TRIO: variants seen among roughly 807,000 people sequenced by gnomAD.
The protein encoded by TRIO is triple functional domain protein.
A neutral mutation model predicts 351.9 loss-of-function variants in TRIO; 58 were observed. The observed-to-expected ratio is 0.16, with a 90% CI of 0.13 to 0.21. TRIO has a LOEUF of 0.21. Ranked by LOEUF, TRIO falls within the 10% of genes least tolerant of loss-of-function variation. TRIO has a pLI of 1.00. For missense variants in TRIO, 3,201 were observed against 4,027.8 expected, an observed-to-expected ratio of 0.79 and a Z score of 5.56; for synonymous variants, 1,758 against 1,595.7, an observed-to-expected ratio of 1.10 and a Z score of -2.42.
chr5:14,428,046 G>C (rs752229168), intron 34 of TRIO, among the ~76,000 whole-genome samples: 1 of 152,232 alleles, frequency 6.6e-6, no homozygotes, highest in Admixed American at 6.5e-5. Context: ...CAGAGGACTT[G>C]GTTTAAATTT....
chr5:14,169,197 C>CTTTTTTTTTTTTTTT (rs3994005), intron 1 of TRIO, among the ~76,000 whole-genome samples: 2 of 140,410 alleles, frequency 1.4e-5, no homozygotes, highest in African/African-American at 2.6e-5. Flanking sequence ...ATAAAACTGC[C>CTTTTTTTTTTTTTTT]TTTTTTTTTT....
At chr5:14,213,027 G>T (rs1054974463) in intron 1 of TRIO, among the ~76,000 whole-genome samples, 4 of 152,142 alleles carry the variant, frequency 2.6e-5, no homozygotes, top group Non-Finnish European at 4.4e-5. Context: ...GAACAACACG[G>T]ACAAAGTACA....
At chr5:14,490,691 A>G in intron 48 of TRIO, 2 of 416,046 alleles carry the variant, frequency 4.8e-6, no homozygotes, top group South Asian at 3.4e-5. Context: ...AGAATTAAGC[A>G]GGATAGACTT....
At chr5:14,170,816 A>G (rs753857404) in intron 1 of TRIO, among the ~76,000 whole-genome samples, 1 of 152,164 alleles carries the variant, frequency 6.6e-6, no homozygotes, top group Non-Finnish European at 1.5e-5. Context: ...GAGATGTAAT[A>G]TATTCTCTTG....
At chr5:14,182,405 A>G (rs1383587827) in intron 1 of TRIO, among the ~76,000 whole-genome samples, 1 of 152,214 alleles carries the variant, frequency 6.6e-6, no homozygotes, top group Non-Finnish European at 1.5e-5. Context: ...TTTATATCTG[A>G]TAGAAATTGT....
At chr5:14,254,563 T>C (rs1334703674) in intron 1 of TRIO, among the ~76,000 whole-genome samples, 1 of 152,174 alleles carries the variant, frequency 6.6e-6, no homozygotes, top group South Asian at 2.1e-4. Context: ...TGGGGAGCCC[T>C]GTGGATGGCC....
chr5:14,334,762 C>A (rs186507026), intron 10 of TRIO, among the ~76,000 whole-genome samples: 9 of 152,378 alleles, frequency 5.9e-5, no homozygotes, highest in African/African-American at 1.7e-4. Context: ...TAAGCAGGGA[C>A]TTCCAAGCCT....
chr5:14,386,585 T>C (rs1411988299), intron 21 of TRIO, among the ~76,000 whole-genome samples: 3 of 152,202 alleles, frequency 2.0e-5, no homozygotes, highest in Non-Finnish European at 4.4e-5. Flanking sequence ...GTAACTCACT[T>C]ATTTGAAAAC....
At chr5:14,213,862 G>A (rs2152197964) in intron 1 of TRIO, among the ~76,000 whole-genome samples, 1 of 152,340 alleles carries the variant, frequency 6.6e-6, no homozygotes, top group East Asian at 1.9e-4. Flanking sequence ...AAAAGACCAT[G>A]GTACTGGCCC....
chr5:14,470,397 A>T (rs1400918681), intron 37 of TRIO, among the ~76,000 whole-genome samples: 2 of 152,166 alleles, frequency 1.3e-5, no homozygotes, highest in Non-Finnish European at 2.9e-5. Context: ...AATTCATCAC[A>T]TTTTTTTCCA....
chr5:14,273,902 G>T (rs1333110209), intron 2 of TRIO, among the ~76,000 whole-genome samples: 1 of 152,148 alleles, frequency 6.6e-6, no homozygotes, highest in Non-Finnish European at 1.5e-5. Context: ...AAAGAAAATA[G>T]TATAGTGAAT....
At chr5:14,176,608 C>G (rs1018393055) in intron 1 of TRIO, among the ~76,000 whole-genome samples, 1 of 152,170 alleles carries the variant, frequency 6.6e-6, no homozygotes, top group Non-Finnish European at 1.5e-5. Context: ...CGTGTGCCAC[C>G]ACACCTGACT....
chr5:14,258,202 G>C (rs981405628), intron 1 of TRIO, among the ~76,000 whole-genome samples: 1 of 152,186 alleles, frequency 6.6e-6, no homozygotes, highest in Non-Finnish European at 1.5e-5. Flanking sequence ...CACAGCGAGC[G>C]TGCTCCTGAA....
chr5:14,201,885 G>A (rs958545258), intron 1 of TRIO, among the ~76,000 whole-genome samples: 6 of 149,546 alleles, frequency 4.0e-5, no homozygotes, highest in Non-Finnish European at 8.9e-5. Context: ...GTTGAAAATT[G>A]CGTGTTCTCA....
chr5:14,330,134 A>G (rs759392425), intron 9 of TRIO, among the ~76,000 whole-genome samples: 9 of 152,252 alleles, frequency 5.9e-5, no homozygotes, highest in Non-Finnish European at 1.2e-4. Flanking sequence ...AGTTTAAAAC[A>G]TAAGATTATA....
chr5:14,169,462 T>A (rs1308214277), intron 1 of TRIO, among the ~76,000 whole-genome samples: 2 of 152,236 alleles, frequency 1.3e-5, no homozygotes, highest in African/African-American at 4.8e-5. Context: ...TTTGGATTAC[T>A]GCTGTGTCTT....
At chr5:14,236,070 G>A (rs1793747565) in intron 1 of TRIO, among the ~76,000 whole-genome samples, 9 of 120,034 alleles carry the variant, frequency 7.5e-5, no homozygotes, top group Admixed American at 5.8e-4. Context: ...ATAATTTGTG[G>A]TAGAAACCAA....
intron 6 of TRIO, 30 bp downstream of exon 6, chr5:14,293,164 C>A (rs1298451263): frequency 1.2e-6 from 2 of 1,613,516 alleles, no homozygotes; most frequent in Non-Finnish European, 1.7e-6. Context: ...TGGACCCTGG[C>A]ATGTGACAGT....
chr5:14,151,197 C>G (rs1787806698), intron 1 of TRIO, among the ~76,000 whole-genome samples: 1 of 152,176 alleles, frequency 6.6e-6, no homozygotes, highest in South Asian at 2.1e-4. Context: ...TGACAGCTAC[C>G]TATTTCACGG....
Sources: gnomAD v4.1 joint callset for allele counts (sites outside exome capture counted in the v4.1 genomes callset) on GRCh38, gnomAD v4.1.1 for gene constraint, MANE v1.5 for transcripts, NCBI Gene and HGNC (gene_info 2026-07-23, HGNC 2026-07-21) for gene names.